SUMF1: variants seen among roughly 807,000 people sequenced by gnomAD.
SUMF1 encodes sulfatase modifying factor 1.
SUMF1 carries 48 observed loss-of-function variants against 47.6 expected under a neutral mutation model. The ratio of observed to expected loss-of-function variants is 1.01; its 90% CI spans 0.80 to 1.28. SUMF1 has a LOEUF of 1.28. Among genes scored for constraint, SUMF1 ranks in the 50% most tolerant of loss-of-function variants. SUMF1 has a pLI of 0.00. For synonymous variants in SUMF1, 230 were observed against 192.1 expected (o/e 1.20, Z -1.63); for missense variants, 571 against 485.4 (o/e 1.18, Z -1.66).
At chr3:4,316,982 C>G (rs996953816) in intron 8 of SUMF1, 2 of 1,549,372 alleles carry the variant, frequency 1.3e-6, no homozygotes, top group Admixed American at 2.0e-5. Context: ...TTGCACAACC[C>G]ACACTTCAAA....
intron 9 of SUMF1, among the ~76,000 whole-genome samples, chr3:4,040,037 T>C (rs1414172755): frequency 6.6e-6 from 1 of 152,092 alleles, no homozygotes; most frequent in Non-Finnish European, 1.5e-5. Flanking sequence ...ATGTTTTGTA[T>C]ACTTGAAAAT....
intron 8 of SUMF1, among the ~76,000 whole-genome samples, chr3:4,077,443 T>C (rs1692463933): frequency 1.3e-5 from 2 of 152,118 alleles, no homozygotes; most frequent in African/African-American, 4.8e-5. Flanking sequence ...AAAGAAAATG[T>C]GGCACATACA....
intron 1 of SUMF1, among the ~76,000 whole-genome samples, chr3:4,455,764 A>C (rs1038535961): frequency 4.6e-5 from 7 of 152,100 alleles, no homozygotes; most frequent in African/African-American, 1.4e-4. Context: ...AAAGCCCAGA[A>C]CCAGATGGCT....
chr3:4,037,044 C>T (rs987055875), intron 9 of SUMF1, among the ~76,000 whole-genome samples: 5 of 152,012 alleles, frequency 3.3e-5, no homozygotes, highest in Non-Finnish European at 7.4e-5. Flanking sequence ...AAAGGTGTAT[C>T]ACCACAGGAG....
chr3:4,102,353 C>A (rs1369705845), intron 8 of SUMF1, among the ~76,000 whole-genome samples: 1 of 152,098 alleles, frequency 6.6e-6, no homozygotes, highest in Non-Finnish European at 1.5e-5. Context: ...GCCAAAATGG[C>A]CATCAAGAAA....
At chr3:4,401,408 T>G (rs1251170057) in intron 7 of SUMF1, among the ~76,000 whole-genome samples, 2 of 152,178 alleles carry the variant, frequency 1.3e-5, no homozygotes, top group African/African-American at 4.8e-5. Context: ...CCACAATGGT[T>G]GAACTAGTTT....
chr3:4,460,730 T>C (rs1290652545), intron 1 of SUMF1, among the ~76,000 whole-genome samples: 1 of 151,610 alleles, frequency 6.6e-6, no homozygotes, highest in Admixed American at 6.6e-5. Context: ...TGATCACAGC[T>C]CACAGCACCC....
rs140931896 is a variant in SUMF1, at chr3:4,086,215, GAA to G, written c.1015-17472_1015-17471del. ...TGCAGTGTTTATACACTTAGAATCAGAAAAAAAAAAAAAACAGAATTATTGTC... is the reference window on the plus strand; with the variant it reads ...TGCAGTGTTTATACACTTAGAATCAGAAAAAAAAAAAACAGAATTATTGTC... On this transcript the variant is annotated intron_variant and NMD_transcript_variant, in intron 8 of 12. Transcript: ENST00000448413. Among the ~76,000 whole-genome samples the G allele has an allele frequency of 9.9e-3, 1,009 of 102,322 alleles. 14 individuals are homozygous for G. The highest frequency in any genetic ancestry group is 0.031 in the African/African-American group (950 of 30,574). 67.1% of individuals were successfully genotyped at this position (102,322 alleles called of 152,430 possible).
chr3:4,255,205 A>T (rs1227167845), intron 8 of SUMF1, among the ~76,000 whole-genome samples: 1 of 138,594 alleles, frequency 7.2e-6, no homozygotes, highest in Non-Finnish European at 1.6e-5. Context: ...AACTGCATCA[A>T]CTAACGAGCA....
intron 7 of SUMF1, among the ~76,000 whole-genome samples, chr3:4,379,591 CCAAGAGATGGT>C (rs1454431565): frequency 6.6e-6 from 1 of 152,116 alleles, no homozygotes; most frequent in Non-Finnish European, 1.5e-5. Flanking sequence ...GAGGCTGAGG[CCAAGAGATGGT>C]CAAGAGATGG....
At chr3:4,172,994 T>A (rs560771675) in intron 8 of SUMF1, among the ~76,000 whole-genome samples, 6 of 152,170 alleles carry the variant, frequency 3.9e-5, no homozygotes, top group Non-Finnish European at 8.8e-5. Context: ...TAAGTCTTAG[T>A]TTAAGTCTTT....
At chr3:4,235,892 T>C (rs1465176239) in intron 8 of SUMF1, among the ~76,000 whole-genome samples, 2 of 152,114 alleles carry the variant, frequency 1.3e-5, no homozygotes, top group African/African-American at 2.4e-5. Context: ...GTGGTTTCCA[T>C]GGCAGTGATG....
chr3:4,461,702 C>T (rs1024291508), intron 1 of SUMF1, among the ~76,000 whole-genome samples: 3 of 151,838 alleles, frequency 2.0e-5, no homozygotes, highest in Non-Finnish European at 4.4e-5. Flanking sequence ...ATTCTGGAGA[C>T]TATAGATAAA....
intron 8 of SUMF1, among the ~76,000 whole-genome samples, chr3:4,228,646 C>T (rs189848524): frequency 6.6e-6 from 1 of 152,160 alleles, no homozygotes; most frequent in Non-Finnish European, 1.5e-5. Flanking sequence ...AACACCTGCT[C>T]TCTTTAAATA....
rs1328498960 is a variant in SUMF1, at chr3:4,069,614, G to T, written c.1015-869C>A. On this transcript the variant is annotated intron_variant and NMD_transcript_variant, in intron 8 of 12. Transcript: ENST00000448413. ...TACTGAGATTTAAAGGGAGTGTGAG[G>T]TGAGTGTGTTATGAATATAACTTGA... Among the ~76,000 whole-genome samples the T allele has an allele frequency of 3.9e-5, 6 of 152,074 alleles. 1 individual carries two copies. Among genetic ancestry groups the T allele is most frequent in the Admixed American group, 3.9e-4 (6 of 15,270 alleles).
intron 8 of SUMF1, among the ~76,000 whole-genome samples, chr3:4,291,293 T>A (rs1244781677): frequency 6.6e-6 from 1 of 152,100 alleles, no homozygotes; most frequent in Admixed American, 6.6e-5. Context: ...AGACATAAAC[T>A]CTTTAATTAT....
intron 9 of SUMF1, among the ~76,000 whole-genome samples, chr3:4,049,280 T>C (rs978560915): frequency 6.6e-6 from 1 of 152,132 alleles, no homozygotes; most frequent in East Asian, 1.9e-4. Flanking sequence ...AATAATTCAA[T>C]AGCTCTCACA....
chr3:4,449,380 T>C (rs1170713548), intron 2 of SUMF1, 40 bp from the exon 3 acceptor site: 2 of 1,597,362 alleles, frequency 1.3e-6, no homozygotes, highest in Admixed American at 1.7e-5. Flanking sequence ...GAAAAGGTTG[T>C]AGTAATGTGT....
chr3:4,077,422 AT>A (rs1204670948), intron 8 of SUMF1, among the ~76,000 whole-genome samples: 1 of 152,134 alleles, frequency 6.6e-6, no homozygotes, highest in Non-Finnish European at 1.5e-5. Context: ...TCCATCAATA[AT>A]AGACTGGATA....
Sources: allele counts gnomAD v4.1 joint callset (sites outside exome capture counted in the v4.1 genomes callset), GRCh38; gene constraint gnomAD v4.1.1; transcripts MANE v1.5; gene names NCBI Gene and HGNC (gene_info 2026-07-23, HGNC 2026-07-21).